ANXA13: variants seen among roughly 807,000 people sequenced by gnomAD.
ANXA13 encodes the protein annexin XIII.
ANXA13 carries 36 observed loss-of-function variants against 46.6 expected under a neutral mutation model. The observed-to-expected ratio is 0.77, with a 90% CI of 0.59 to 1.02. ANXA13 has a LOEUF of 1.02. ANXA13 is among the 50% of genes least tolerant of loss of function. The pLI is 0.00. For missense variants in ANXA13, 417 were observed against 396.5 expected, an observed-to-expected ratio of 1.05 and a Z score of -0.44; for synonymous variants, 163 against 152.9, an observed-to-expected ratio of 1.07 and a Z score of -0.49.
chr8:123,730,127 G>C (rs1189667745), intron 1 of ANXA13, among the ~76,000 whole-genome samples: 1 of 152,152 alleles, frequency 6.6e-6, no homozygotes, highest in Non-Finnish European at 1.5e-5. Flanking sequence ...GTGGCAGAGG[G>C]TCTTCATTTC....
intron 4 of ANXA13, among the ~76,000 whole-genome samples, chr8:123,696,977 T>C (rs1160881289): frequency 3.3e-5 from 5 of 152,250 alleles, no homozygotes; most frequent in Admixed American, 3.3e-4. Flanking sequence ...TGGCACAATC[T>C]TGGCTCACTG....
At chr8:123,693,819 C>T in intron 6 of ANXA13, 40 bp from the exon 7 acceptor site, 1 of 1,556,086 alleles carries the variant, frequency 6.4e-7, no homozygotes, top group South Asian at 1.1e-5. Context: ...TGCATTCCTG[C>T]TTGACCACAG....
At chr8:123,691,056 A>T (rs992839359) in intron 8 of ANXA13, among the ~76,000 whole-genome samples, 1 of 152,234 alleles carries the variant, frequency 6.6e-6, no homozygotes, top group East Asian at 1.9e-4. Flanking sequence ...ATCCTGCATG[A>T]TGCAGAAGTT....
At chr8:123,722,342 A>AAAAGAAAGAAAG (rs148382346) in intron 1 of ANXA13, among the ~76,000 whole-genome samples, 5,701 of 136,850 alleles carry the variant, frequency 0.042, 168 homozygotes, top group African/African-American at 0.073. Flanking sequence ...GAAAGAAAAG[A>AAAAGAAAGAAAG]AAAGAAAGAA....
chr8:123,686,842 G>A (rs902976572), intron 9 of ANXA13, among the ~76,000 whole-genome samples: 6 of 152,160 alleles, frequency 3.9e-5, no homozygotes, highest in Non-Finnish European at 7.3e-5. Flanking sequence ...AGGTGGGAGC[G>A]GGGTGGGAAG....
At chr8:123,688,822 G>C (rs369289449) in intron 9 of ANXA13, 49 bp downstream of exon 9, 5 of 1,558,598 alleles carry the variant, frequency 3.2e-6, no homozygotes, top group Middle Eastern at 1.7e-4. Flanking sequence ...TCTGAGTCTG[G>C]TTCCAGGCAG....
chr8:123,688,776 G>A, intron 9 of ANXA13, 95 bp downstream of exon 9: 1 of 1,114,724 alleles, frequency 9.0e-7, no homozygotes. Flanking sequence ...ACCCCCAAAA[G>A]CTATTCCCTC....
intron 1 of ANXA13, among the ~76,000 whole-genome samples, chr8:123,725,744 T>C (rs944619228): frequency 6.6e-6 from 1 of 152,222 alleles, no homozygotes; most frequent in African/African-American, 2.4e-5. Context: ...TGGTATTTCA[T>C]CATGTAGTTA....
At chr8:123,687,010 A>G (rs1234531004) in intron 9 of ANXA13, among the ~76,000 whole-genome samples, 4 of 152,108 alleles carry the variant, frequency 2.6e-5, no homozygotes, top group African/African-American at 9.7e-5. Flanking sequence ...CATCTGTACC[A>G]TCTTTGCTCT....
chr8:123,730,826 T>C (rs1229881196), intron 1 of ANXA13, among the ~76,000 whole-genome samples: 2 of 152,136 alleles, frequency 1.3e-5, no homozygotes, highest in African/African-American at 4.8e-5. Context: ...AAGTCACATC[T>C]TACATGGCAG....
intron 1 of ANXA13, chr8:123,735,685 G>A: frequency 6.8e-7 from 1 of 1,469,040 alleles, no homozygotes; most frequent in African/African-American, 1.4e-5. Flanking sequence ...CAGATCACTG[G>A]GGGCTCATAT....
chr8:123,696,742 G>A (rs1171809345), intron 4 of ANXA13, among the ~76,000 whole-genome samples: 2 of 152,082 alleles, frequency 1.3e-5, no homozygotes, highest in African/African-American at 2.4e-5. Context: ...CTTCCAACCC[G>A]CAACCAGGAT....
At chr8:123,684,795 G>T in intron 9 of ANXA13, 73 bp from the exon 10 acceptor site, 1 of 1,100,500 alleles carries the variant, frequency 9.1e-7, no homozygotes. Context: ...CCCCCTAAAT[G>T]TCACCTGGCT....
chr8:123,685,009 C>T (rs533372616), intron 9 of ANXA13, among the ~76,000 whole-genome samples: 2 of 152,318 alleles, frequency 1.3e-5, no homozygotes, highest in East Asian at 1.9e-4. Context: ...TCGTTATTTC[C>T]CAGCAGAAAT....
chr8:123,719,825 A>T (rs1813827659), intron 1 of ANXA13, among the ~76,000 whole-genome samples: 1 of 152,164 alleles, frequency 6.6e-6, no homozygotes, highest in African/African-American at 2.4e-5. Flanking sequence ...TGCTGGTTGT[A>T]CCACCTTGGG....
chr8:123,708,084 AAT>A (rs1813576989), intron 2 of ANXA13, among the ~76,000 whole-genome samples: 2 of 152,100 alleles, frequency 1.3e-5, no homozygotes, highest in African/African-American at 4.8e-5. Context: ...TACATTTCAC[AAT>A]ATGTGTATCG....
intron 2 of ANXA13, among the ~76,000 whole-genome samples, chr8:123,709,044 G>T (rs891566964): frequency 1.3e-5 from 2 of 152,178 alleles, no homozygotes; most frequent in African/African-American, 2.4e-5. Flanking sequence ...CACGGGTTCT[G>T]GGGGGATATA....
chr8:123,706,630 G>C (rs1376499248), intron 2 of ANXA13, among the ~76,000 whole-genome samples: 2 of 152,192 alleles, frequency 1.3e-5, no homozygotes, highest in African/African-American at 4.8e-5. Flanking sequence ...AAGTTCCTCT[G>C]TTGCTCTCAC....
At chr8:123,727,007 G>C (rs1451156396) in intron 1 of ANXA13, among the ~76,000 whole-genome samples, 1 of 152,188 alleles carries the variant, frequency 6.6e-6, no homozygotes, top group Non-Finnish European at 1.5e-5. Context: ...AAGCTATGAG[G>C]ACGGAAAGGC....
Sources: allele counts gnomAD v4.1 joint callset (sites outside exome capture counted in the v4.1 genomes callset), GRCh38; gene constraint gnomAD v4.1.1; transcripts MANE v1.5; gene names NCBI Gene and HGNC (gene_info 2026-07-23, HGNC 2026-07-21).